The following CNTN5 variants were observed in gnomAD, a reference collection of about 807,000 sequenced individuals.
CNTN5 encodes the protein contactin 5.
Under a neutral mutation model 129.1 loss-of-function variants are expected in CNTN5, and 77 were observed. The observed-to-expected ratio is 0.60, with a 90% CI of 0.50 to 0.72. The LOEUF (loss-of-function observed/expected upper bound fraction) is 0.72. CNTN5 is among the 30% of genes least tolerant of loss of function. CNTN5 has a pLI of 0.00. For missense variants in CNTN5, 1,478 were observed against 1,328.8 expected (o/e 1.11, Z -1.75); for synonymous variants, 509 against 465.6 (o/e 1.09, Z -1.20).
chr11:99,733,184 A>C (rs1182118489), intron 3 of CNTN5, among the ~76,000 whole-genome samples: 2 of 152,012 alleles, frequency 1.3e-5, no homozygotes, highest in East Asian at 3.9e-4. Flanking sequence ...AAAGCCGAGC[A>C]TGGTGAGGGG....
intron 1 of CNTN5, among the ~76,000 whole-genome samples, chr11:99,065,878 T>A (rs977443536): frequency 7.9e-5 from 12 of 152,184 alleles, no homozygotes; most frequent in African/African-American, 2.2e-4. Context: ...GCATATTATT[T>A]TGATTTCATA....
intron 1 of CNTN5, among the ~76,000 whole-genome samples, chr11:99,146,511 G>A (rs1859792615): frequency 6.6e-6 from 1 of 152,014 alleles, no homozygotes; most frequent in Non-Finnish European, 1.5e-5. Flanking sequence ...CTAAGGAGGA[G>A]AAAATAAAGG....
chr11:100,257,336 G>A (rs979279603), intron 17 of CNTN5, among the ~76,000 whole-genome samples: 1 of 152,150 alleles, frequency 6.6e-6, no homozygotes, highest in East Asian at 1.9e-4. Flanking sequence ...AGCACCAGGG[G>A]GAAGGGGCAG....
chr11:99,865,574 T>G (rs1948333448), intron 6 of CNTN5, among the ~76,000 whole-genome samples: 1 of 151,900 alleles, frequency 6.6e-6, no homozygotes, highest in African/African-American at 2.4e-5. Flanking sequence ...ATATAACTAC[T>G]TGAGAAATAT....
At chr11:99,514,083 A>G (rs555624887) in intron 2 of CNTN5, among the ~76,000 whole-genome samples, 49 of 152,250 alleles carry the variant, frequency 3.2e-4, no homozygotes, top group Middle Eastern at 3.4e-3. Flanking sequence ...AAAGATGTCA[A>G]TTTTAACCCT....
intron 4 of CNTN5, among the ~76,000 whole-genome samples, chr11:99,827,034 T>C (rs1227981361): frequency 6.6e-6 from 1 of 152,156 alleles, no homozygotes; most frequent in Middle Eastern, 3.2e-3. Flanking sequence ...CACATAGATA[T>C]ATTTGGTCAG....
intron 6 of CNTN5, among the ~76,000 whole-genome samples, chr11:99,869,095 A>G (rs1051212921): frequency 1.3e-5 from 2 of 152,206 alleles, no homozygotes; most frequent in African/African-American, 4.8e-5. Flanking sequence ...TTTTTAAAAA[A>G]TAAAACTCGT....
intron 2 of CNTN5, among the ~76,000 whole-genome samples, chr11:99,521,055 A>G (rs753574646): frequency 1.6e-4 from 24 of 152,178 alleles, no homozygotes; most frequent in South Asian, 4.1e-4. Context: ...AAAATTTAGA[A>G]GAGCCAGAAC....
intron 13 of CNTN5, among the ~76,000 whole-genome samples, chr11:100,089,539 T>A (rs994629346): frequency 4.6e-5 from 7 of 152,114 alleles, no homozygotes; most frequent in Non-Finnish European, 1.5e-5. Context: ...CCATTTGACC[T>A]AGCAATCCCA....
At chr11:100,148,272 T>C (rs941394443) in intron 13 of CNTN5, among the ~76,000 whole-genome samples, 4 of 152,210 alleles carry the variant, frequency 2.6e-5, no homozygotes, top group African/African-American at 9.6e-5. Context: ...TGTCATTTAA[T>C]ATCTCAGCCC....
chr11:99,773,819 C>T (rs562732214), intron 3 of CNTN5, among the ~76,000 whole-genome samples: 2 of 152,208 alleles, frequency 1.3e-5, no homozygotes, highest in East Asian at 3.9e-4. Flanking sequence ...GAGCGTGACA[C>T]ACAAGGCCCT....
intron 2 of CNTN5, among the ~76,000 whole-genome samples, chr11:99,446,246 GTGGACATTTT>G (rs1380014287): frequency 6.6e-6 from 1 of 152,076 alleles, no homozygotes; most frequent in Non-Finnish European, 1.5e-5. Flanking sequence ...GATTTTAGCT[GTGGACATTTT>G]TGAAGCCTTG....
chr11:100,019,811 T>C (rs1941031025), intron 9 of CNTN5, among the ~76,000 whole-genome samples: 1 of 151,972 alleles, frequency 6.6e-6, no homozygotes, highest in Admixed American at 6.6e-5. Context: ...ACCACCAATT[T>C]ATAAGGGTTC....
intron 6 of CNTN5, among the ~76,000 whole-genome samples, chr11:99,901,543 T>C (rs1179029585): frequency 6.6e-6 from 1 of 152,136 alleles, no homozygotes; most frequent in African/African-American, 2.4e-5. Flanking sequence ...CCTGCCCACT[T>C]TGGCCTCCCA....
chr11:100,076,831 C>G (rs761985756), intron 13 of CNTN5, among the ~76,000 whole-genome samples: 64 of 152,084 alleles, frequency 4.2e-4, no homozygotes, highest in Middle Eastern at 6.3e-3. Context: ...GACAGGCACA[C>G]TTACAAAATA....
At chr11:100,101,674 T>C (rs1945229253) in intron 13 of CNTN5, among the ~76,000 whole-genome samples, 1 of 152,092 alleles carries the variant, frequency 6.6e-6, no homozygotes, top group Non-Finnish European at 1.5e-5. Flanking sequence ...TTGGTGCACC[T>C]GTCACCAGGG....
chr11:100,328,188 CAA>C (rs5794049), intron 21 of CNTN5, among the ~76,000 whole-genome samples: 4 of 150,146 alleles, frequency 2.7e-5, no homozygotes, highest in Admixed American at 2.0e-4. Flanking sequence ...ATGTCGCTAC[CAA>C]AAAAAAAAAT....
At chr11:99,360,109 C>A (rs191102069) in intron 2 of CNTN5, among the ~76,000 whole-genome samples, 1 of 152,028 alleles carries the variant, frequency 6.6e-6, no homozygotes, top group Non-Finnish European at 1.5e-5. Flanking sequence ...AACATTAAAC[C>A]GTAAGACTTG....
chr11:100,209,428 A>T (rs913177065), intron 15 of CNTN5, among the ~76,000 whole-genome samples: 1 of 152,244 alleles, frequency 6.6e-6, no homozygotes, highest in Non-Finnish European at 1.5e-5. Context: ...CAGACAAAGC[A>T]CTTAATCTGG....
Sources: gnomAD v4.1 joint callset for allele counts (sites outside exome capture counted in the v4.1 genomes callset) on GRCh38, gnomAD v4.1.1 for gene constraint, MANE v1.5 for transcripts, NCBI Gene and HGNC (gene_info 2026-07-23, HGNC 2026-07-21) for gene names.